Variants in ERC2 observed in about 807,000 individuals in gnomAD.
ERC2 encodes ERC protein 2.
ERC2 carries 42 observed loss-of-function variants against 114.8 expected under a neutral mutation model. That is an observed-to-expected ratio of 0.37 (90% CI 0.29 to 0.47). The LOEUF is 0.47. ERC2 is among the 20% of genes least tolerant of loss of function. ERC2 has a pLI of 0.99. For synonymous variants in ERC2, 454 were observed against 425.5 expected, an observed-to-expected ratio of 1.07 and a Z score of -0.82; for missense variants, 939 against 1,150.7, an observed-to-expected ratio of 0.82 and a Z score of 2.66.
chr3:55,972,738 T>C (rs544022856), intron 12 of ERC2, among the ~76,000 whole-genome samples: 59 of 152,316 alleles, frequency 3.9e-4, no homozygotes, highest in African/African-American at 1.3e-3. Context: ...AGTAAACATA[T>C]GTGTGCATGT....
At chr3:56,197,628 C>T (rs1327599262) in intron 3 of ERC2, among the ~76,000 whole-genome samples, 2 of 152,304 alleles carry the variant, frequency 1.3e-5, no homozygotes, top group African/African-American at 2.4e-5. Context: ...CCTCCACTTA[C>T]TATACATGAG....
chr3:55,714,382 T>A (rs1357136627), intron 15 of ERC2, among the ~76,000 whole-genome samples: 4 of 152,082 alleles, frequency 2.6e-5, no homozygotes, highest in Non-Finnish European at 5.9e-5. Flanking sequence ...GGGATGGCAA[T>A]CATAGGAGCA....
At chr3:56,009,187 C>T (rs1265129328) in intron 9 of ERC2, among the ~76,000 whole-genome samples, 6 of 152,146 alleles carry the variant, frequency 3.9e-5, no homozygotes, top group Non-Finnish European at 8.8e-5. Context: ...AAGGTGCAAA[C>T]CGACAAATAA....
chr3:55,514,708 G>A (rs1056210203), intron 17 of ERC2, among the ~76,000 whole-genome samples: 21 of 152,294 alleles, frequency 1.4e-4, no homozygotes, highest in Admixed American at 1.0e-3. Context: ...AATGAATTCT[G>A]CCAAAAACCC....
At chr3:56,188,502 T>A (rs1286570163) in intron 3 of ERC2, among the ~76,000 whole-genome samples, 1 of 152,068 alleles carries the variant, frequency 6.6e-6, no homozygotes, top group Non-Finnish European at 1.5e-5. Context: ...ACAGACAACT[T>A]CCCTGGCTGC....
chr3:56,124,461 C>T (rs77999224), intron 6 of ERC2, among the ~76,000 whole-genome samples: 4,615 of 152,320 alleles, frequency 0.03, 242 homozygotes, highest in African/African-American at 0.11. Flanking sequence ...AAGCTCTATT[C>T]ACTTTTTCAT....
intron 2 of ERC2, among the ~76,000 whole-genome samples, chr3:56,379,010 C>T (rs1256273412): frequency 6.6e-6 from 1 of 152,122 alleles, no homozygotes; most frequent in Non-Finnish European, 1.5e-5. Flanking sequence ...TTTTATTTAA[C>T]CCAATATACC....
chr3:55,601,182 T>A (rs1449747615), intron 17 of ERC2, among the ~76,000 whole-genome samples: 2 of 152,156 alleles, frequency 1.3e-5, no homozygotes, highest in Non-Finnish European at 2.9e-5. Flanking sequence ...TATAACCAGA[T>A]CATCTGTTTT....
chr3:55,698,933 C>A (rs76414466), intron 16 of ERC2, among the ~76,000 whole-genome samples: 1 of 152,032 alleles, frequency 6.6e-6, no homozygotes, highest in Non-Finnish European at 1.5e-5. Flanking sequence ...GCAGGCAAAA[C>A]GGATTTCTCT....
intron 6 of ERC2, among the ~76,000 whole-genome samples, chr3:56,108,439 T>G (rs9811060): frequency 0.17 from 26,122 of 151,960 alleles, 2,453 homozygotes; most frequent in African/African-American, 0.23. Flanking sequence ...TAAAGAAAAT[T>G]TAAATAACCA....
At chr3:56,249,586 A>T (rs2051984833) in intron 3 of ERC2, among the ~76,000 whole-genome samples, 1 of 152,038 alleles carries the variant, frequency 6.6e-6, no homozygotes, top group Non-Finnish European at 1.5e-5. Context: ...TCGGCCTCCC[A>T]AAGTGCTGGG....
chr3:56,142,967 C>T (rs2080946367), intron 5 of ERC2, among the ~76,000 whole-genome samples: 1 of 152,128 alleles, frequency 6.6e-6, no homozygotes, highest in Middle Eastern at 3.2e-3. Flanking sequence ...CATTATCTAC[C>T]TGAAGTTTTC....
chr3:56,093,505 G>C (rs1483988182), intron 6 of ERC2, among the ~76,000 whole-genome samples: 1 of 152,108 alleles, frequency 6.6e-6, no homozygotes, highest in Non-Finnish European at 1.5e-5. Flanking sequence ...GAGGAAACTG[G>C]ATCTTCACAC....
chr3:56,079,318 A>T (rs2077119421), intron 7 of ERC2, among the ~76,000 whole-genome samples: 1 of 152,160 alleles, frequency 6.6e-6, no homozygotes, highest in Admixed American at 6.5e-5. Flanking sequence ...AGCACACCTC[A>T]GTCAAGGCCT....
At chr3:55,653,374 C>T (rs934641704) in intron 17 of ERC2, among the ~76,000 whole-genome samples, 8 of 152,116 alleles carry the variant, frequency 5.3e-5, no homozygotes, top group Non-Finnish European at 7.4e-5. Context: ...CTGCAAACAC[C>T]ATAGGCTGGC....
At chr3:55,879,885 C>T (rs892018935) in intron 14 of ERC2, among the ~76,000 whole-genome samples, 20 of 152,280 alleles carry the variant, frequency 1.3e-4, no homozygotes, top group African/African-American at 4.6e-4. Context: ...GGGCCCCTTC[C>T]CCCACACTTG....
intron 13 of ERC2, among the ~76,000 whole-genome samples, chr3:55,925,363 T>C (rs1405322116): frequency 6.6e-6 from 1 of 152,064 alleles, no homozygotes; most frequent in East Asian, 1.9e-4. Context: ...GAGGGATTGG[T>C]CAGGAAGCCA....
At chr3:55,830,150 C>T (rs978704118) in intron 14 of ERC2, among the ~76,000 whole-genome samples, 2 of 152,162 alleles carry the variant, frequency 1.3e-5, no homozygotes, top group East Asian at 3.9e-4. Flanking sequence ...GTACCTCTCT[C>T]AGAAATCACT....
At chr3:55,661,158 T>G (rs755730802) in intron 17 of ERC2, among the ~76,000 whole-genome samples, 1 of 152,212 alleles carries the variant, frequency 6.6e-6, no homozygotes, top group Non-Finnish European at 1.5e-5. Context: ...AATATCTATT[T>G]ATTATCTCAC....
Sources: allele counts gnomAD v4.1 joint callset (sites outside exome capture counted in the v4.1 genomes callset), GRCh38; gene constraint gnomAD v4.1.1; transcripts MANE v1.5; gene names NCBI Gene and HGNC (gene_info 2026-07-23, HGNC 2026-07-21).